Variants in TMEM40 observed in about 807,000 individuals in gnomAD.
The protein encoded by TMEM40 is transmembrane protein 40.
Under a neutral mutation model 40.8 loss-of-function variants are expected in TMEM40, and 34 were observed. The observed-to-expected ratio is 0.83, with a 90% CI of 0.63 to 1.11. The LOEUF (loss-of-function observed/expected upper bound fraction) is 1.11. Among genes scored for constraint, TMEM40 ranks in the 50% least tolerant of loss-of-function variants. The pLI is 0.00. For synonymous variants in TMEM40, 106 were observed against 107.0 expected, an observed-to-expected ratio of 0.99 and a Z score of 0.06; for missense variants, 296 against 280.2, an observed-to-expected ratio of 1.06 and a Z score of -0.40.
upstream of TMEM40, among the ~76,000 whole-genome samples, chr3:12,763,533 C>T (rs899226770): frequency 1.3e-5 from 2 of 152,182 alleles, no homozygotes; most frequent in Non-Finnish European, 2.9e-5. Context: ...CCGGGGGAGC[C>T]AGCTCAGCAG....
intron 3 of TMEM40, among the ~76,000 whole-genome samples, chr3:12,746,459 A>G (rs768900290): frequency 1.3e-5 from 2 of 152,136 alleles, no homozygotes; most frequent in African/African-American, 2.4e-5. Context: ...GTAATCTTTT[A>G]CAGTTGAAAA....
chr3:12,735,184 C>G (rs936780065), intron 11 of TMEM40, among the ~76,000 whole-genome samples: 3 of 152,186 alleles, frequency 2.0e-5, no homozygotes, highest in African/African-American at 7.2e-5. Flanking sequence ...AAGCCTACCT[C>G]CCCAGTTGCT....
chr3:12,737,562 G>A, intron 8 of TMEM40, 145 bp downstream of exon 8: 1 of 744,698 alleles, frequency 1.3e-6, no homozygotes, highest in African/African-American at 1.8e-5. Flanking sequence ...CTGTTGAGGT[G>A]ATTCTGAGCT....
At chr3:12,760,640 C>G (rs1212578269), upstream of TMEM40, among the ~76,000 whole-genome samples, 1 of 152,238 alleles carries the variant, frequency 6.6e-6, no homozygotes, top group Non-Finnish European at 1.5e-5. Context: ...TGCTTCACTG[C>G]TCACCATCTG....
At position 12,736,598 on chromosome 3, in the gene TMEM40, A is replaced by G. The variant is rs530184924; in HGVS notation, c.599T>C (p.Val200Ala). 564 of 1,560,156 alleles carry G rather than the reference A, an allele frequency of 3.6e-4. 2 individuals are homozygous for G. In the South Asian group the frequency reaches 6.0e-3, roughly 17 times the overall value. Residue 200 changes from valine to alanine, a missense_variant, in exon 10 of 12, where the codon GTT becomes GCT. Transcript: ENST00000314124. The part of the protein sequence containing the change: ...GLLTFASLET[V>A]GIYFGLVYRI... ...CTTACCTAGTCCGAAGTAGATGCCA[A>G]CGGTTTCCAGGGAGGCGAAGGTGAG...
intron 3 of TMEM40, among the ~76,000 whole-genome samples, chr3:12,748,291 T>G (rs2061444989): frequency 6.6e-6 from 1 of 152,226 alleles, no homozygotes; most frequent in South Asian, 2.1e-4. Flanking sequence ...TTTGAACCTG[T>G]AACACACGCT....
intron 1 of TMEM40, among the ~76,000 whole-genome samples, chr3:12,751,093 C>T (rs1366603394): frequency 1.3e-5 from 2 of 151,924 alleles, no homozygotes; most frequent in African/African-American, 4.8e-5. Context: ...CTGGGTTTCT[C>T]ATCTGTAAAA....
At chr3:12,753,211 C>CTTT (rs56739791) in intron 1 of TMEM40, among the ~76,000 whole-genome samples, 1,228 of 76,066 alleles carry the variant, frequency 0.016, 45 homozygotes, top group African/African-American at 0.04. Context: ...TTCTTTCTTT[C>CTTT]TTTTTTTTTT....
intron 5 of TMEM40, among the ~76,000 whole-genome samples, chr3:12,740,291 C>T (rs1285162677): frequency 4.0e-5 from 6 of 150,570 alleles, no homozygotes; most frequent in South Asian, 4.2e-4. Context: ...GGTTTTGCCA[C>T]GTTGGCCAGG....
chr3:12,737,724 A>C lies in TMEM40; in HGVS notation c.455T>G (p.Leu152Arg). ...TTCCTTACCATCTTTCTTTATATTC[A>C]GTCTTCTTAACTGAGAGGCCTCCAC... Reference protein sequence around the residue: ...GEVEASQLRRLNIKKDDEFFH... With the variant: ...GEVEASQLRRRNIKKDDEFFH... The change falls in exon 8 of 12, where the codon CTG becomes CGG. Residue 152 changes from leucine (L) to arginine (R), a missense_variant. Leu to Arg is a moderately radical substitution (Grantham distance 102, BLOSUM62 -2). Transcript: ENST00000314124. 6.2e-7 allele frequency: 1 copy of C among 1,614,104 alleles called. No individual in the cohort carries two copies. Among genetic ancestry groups the C allele is most frequent in the Non-Finnish European group, 8.5e-7 (1 of 1,179,970 alleles).
At chr3:12,736,495 T>C in intron 10 of TMEM40, 83 bp downstream of exon 10, 1 of 1,497,128 alleles carries the variant, frequency 6.7e-7, no homozygotes, top group Non-Finnish European at 9.1e-7. Context: ...TGGTCCATAC[T>C]TGAATGAGTA....
At chr3:12,743,236 G>C (rs915620146) in intron 4 of TMEM40, among the ~76,000 whole-genome samples, 3 of 152,240 alleles carry the variant, frequency 2.0e-5, no homozygotes, top group Non-Finnish European at 4.4e-5. Context: ...GGGAGGCCAA[G>C]GTGGGTAGAT....
rs1422589609 is a variant in TMEM40 at position 12,735,580 on chromosome 3, G to A, written c.657C>T (p.Pro219=). 6.2e-7 allele frequency: 1 copy of A among 1,613,658 alleles called. No individual in the cohort carries two copies. Among genetic ancestry groups the A allele is most frequent in the South Asian group, 1.1e-5 (1 of 91,034 alleles). The change falls in exon 11 of 12, where the codon CCC becomes CCT. Residue 219 remains proline (P), a synonymous_variant. Coordinates refer to ENST00000314124, the MANE Select transcript of TMEM40 (RefSeq NM_018306.4). The part of the protein sequence containing the change: ...RIHSVLQGFI[P]LFQKFRLTGF... ...CTGTCAGCCTAAACTTCTGGAAGAG[G>A]GGGATGAAGCCTTGGAGGACGCTGT...
upstream of TMEM40, among the ~76,000 whole-genome samples, chr3:12,760,723 T>C (rs1321833282): frequency 6.6e-6 from 1 of 152,040 alleles, no homozygotes; most frequent in Non-Finnish European, 1.5e-5. Context: ...TAGGATCATG[T>C]CTGACAGTAG....
At chr3:12,737,361 C>T (rs111449053) in intron 8 of TMEM40, among the ~76,000 whole-genome samples, 2 of 152,054 alleles carry the variant, frequency 1.3e-5, no homozygotes, top group African/African-American at 4.8e-5. Context: ...TTTCTCAGCT[C>T]AGCTGACCCT....
chr3:12,735,721 G>C, intron 10 of TMEM40, 104 bp from the exon 11 acceptor site: 1 of 922,768 alleles, frequency 1.1e-6, no homozygotes, highest in Non-Finnish European at 1.7e-6. Flanking sequence ...AGCTCTGATG[G>C]TGGAACTTCA....
At chr3:12,758,647 C>T (rs2061547463) in intron 1 of TMEM40, among the ~76,000 whole-genome samples, 2 of 152,308 alleles carry the variant, frequency 1.3e-5, no homozygotes, top group African/African-American at 4.8e-5. Context: ...AGGCAGAGGA[C>T]GGCTGACTTC....
chr3:12,755,097 CCCT>C (rs901510117), intron 1 of TMEM40, among the ~76,000 whole-genome samples: 7 of 148,770 alleles, frequency 4.7e-5, no homozygotes, highest in East Asian at 2.0e-4. Context: ...TTCCCTCCCT[CCCT>C]CCTTTTTTCT....
rs1262893957 is a variant in TMEM40, at chr3:12,737,736, T to G, written c.443A>C (p.Gln148Pro). The G allele has an allele frequency of 1.2e-6, 2 of 1,613,946 alleles. No individual in the cohort carries two copies. The highest frequency in any genetic ancestry group is 1.3e-5 in the African/African-American group (1 of 74,938). Reference sequence around the variant, plus strand: ...TTTCTTTATATTCAGTCTTCTTAACTGAGAGGCCTCCACTTCTCCTTAAGA... The same window carrying G: ...TTTCTTTATATTCAGTCTTCTTAACGGAGAGGCCTCCACTTCTCCTTAAGA... The part of the protein sequence containing the change: ...DPASGEVEAS[Q>P]LRRLNIKKDD... The change falls in exon 8 of 12, where the codon CAG (glutamine) becomes CCG (proline). Residue 148 changes from glutamine (Q) to proline (P), a missense_variant. Coordinates refer to ENST00000314124, the MANE Select transcript of TMEM40 (RefSeq NM_018306.4).
Sources: gnomAD v4.1 joint callset for allele counts (sites outside exome capture counted in the v4.1 genomes callset) on GRCh38, gnomAD v4.1.1 for gene constraint, MANE v1.5 for transcripts, NCBI Gene and HGNC (gene_info 2026-07-23, HGNC 2026-07-21) for gene names.